The following DLG1 variants were observed in gnomAD, a reference collection of about 807,000 sequenced individuals.
DLG1 encodes the protein disks large homolog 1.
In DLG1, 42 loss-of-function variants were observed where a neutral mutation model predicts 123.4. The observed-to-expected ratio is 0.34, with a 90% CI of 0.27 to 0.44. DLG1 has a LOEUF of 0.44. Among genes scored for constraint, DLG1 ranks in the 20% least tolerant of loss-of-function variants. The pLI is 1.00. For missense variants in DLG1, 942 were observed against 1,082.6 expected, an observed-to-expected ratio of 0.87 and a Z score of 1.82; for synonymous variants, 317 against 356.2, an observed-to-expected ratio of 0.89 and a Z score of 1.24.
intron 23 of DLG1, among the ~76,000 whole-genome samples, chr3:197,059,662 T>C (rs1322758846): frequency 2.0e-5 from 3 of 152,260 alleles, no homozygotes; most frequent in African/African-American, 7.2e-5. Context: ...CTATTTAAAG[T>C]TCTAACACAT....
At chr3:197,059,456 T>C (rs1001133962) in intron 23 of DLG1, among the ~76,000 whole-genome samples, 4 of 152,240 alleles carry the variant, frequency 2.6e-5, no homozygotes, top group African/African-American at 9.6e-5. Flanking sequence ...TTATTTGCTT[T>C]AGTTTATACC....
At chr3:197,094,846 T>A (rs773553680) in intron 14 of DLG1, among the ~76,000 whole-genome samples, 2 of 152,220 alleles carry the variant, frequency 1.3e-5, no homozygotes, top group Non-Finnish European at 2.9e-5. Flanking sequence ...TTGTCTTCTA[T>A]AAACTGAGAA....
intron 4 of DLG1, among the ~76,000 whole-genome samples, chr3:197,202,983 A>C (rs1053557541): frequency 1.3e-5 from 2 of 152,152 alleles, no homozygotes; most frequent in African/African-American, 2.4e-5. Context: ...CAGAAATGTT[A>C]ATTTTAGGCC....
At chr3:197,275,185 C>A (rs367689935) in intron 4 of DLG1, among the ~76,000 whole-genome samples, 745 of 123,504 alleles carry the variant, frequency 6.0e-3, no homozygotes, top group Middle Eastern at 8.9e-3. Context: ...GACTCTGTCT[C>A]AAAAAAAAAA....
At chr3:197,153,453 T>C (rs546038485) in intron 5 of DLG1, among the ~76,000 whole-genome samples, 1 of 152,328 alleles carries the variant, frequency 6.6e-6, no homozygotes, top group South Asian at 2.1e-4. Context: ...GTCAACTGTG[T>C]ACCGCCTGCA....
chr3:197,260,750 CAAAAAAAAAAAAAAAAAA>C (rs570596943), intron 4 of DLG1, among the ~76,000 whole-genome samples: 15 of 18,316 alleles, frequency 8.2e-4, no homozygotes, highest in East Asian at 3.1e-3. Context: ...TGACAACCAC[CAAAAAAAAAAAAAAAAAA>C]AAAAAAAAAA....
intron 6 of DLG1, 124 bp from the exon 7 acceptor site, chr3:197,142,892 C>A: frequency 1.5e-6 from 1 of 673,500 alleles, no homozygotes; most frequent in Non-Finnish European, 2.6e-6. Context: ...AACACAATAG[C>A]TTCATTTTAA....
chr3:197,153,856 A>G (rs1795098787), intron 5 of DLG1, among the ~76,000 whole-genome samples: 2 of 152,204 alleles, frequency 1.3e-5, no homozygotes, highest in African/African-American at 4.8e-5. Flanking sequence ...TACAACAATC[A>G]GAAAAACAAT....
intron 4 of DLG1, among the ~76,000 whole-genome samples, chr3:197,222,265 C>T (rs1737511973): frequency 6.6e-6 from 1 of 152,156 alleles, no homozygotes; most frequent in African/African-American, 2.4e-5. Context: ...ATAAACCACA[C>T]TCCTTTCCCC....
intron 11 of DLG1, among the ~76,000 whole-genome samples, chr3:197,124,772 C>T (rs1348142341): frequency 6.6e-6 from 1 of 152,006 alleles, no homozygotes; most frequent in African/African-American, 2.4e-5. Flanking sequence ...GAAGTCTTAA[C>T]ATGGTAGGAA....
At chr3:197,274,522 C>CGATAT (rs1267674086) in intron 4 of DLG1, among the ~76,000 whole-genome samples, 2 of 152,070 alleles carry the variant, frequency 1.3e-5, no homozygotes, top group Non-Finnish European at 1.5e-5. Context: ...CGACACGATA[C>CGATAT]GATACGAAAA....
chr3:197,297,622 G>C (rs926537658), intron 1 of DLG1: 1 of 1,003,434 alleles, frequency 1.0e-6, no homozygotes. Context: ...GCTGAGAGGG[G>C]ACCAGCGGGA....
intron 4 of DLG1, among the ~76,000 whole-genome samples, chr3:197,254,872 A>ACC (rs1333617956): frequency 6.6e-6 from 1 of 152,020 alleles, no homozygotes; most frequent in Non-Finnish European, 1.5e-5. Flanking sequence ...ATGTGGTGAA[A>ACC]CCCCACGTTT....
At chr3:197,087,130 C>T (rs1324548196) in intron 15 of DLG1, among the ~76,000 whole-genome samples, 1 of 152,154 alleles carries the variant, frequency 6.6e-6, no homozygotes, top group Non-Finnish European at 1.5e-5. Context: ...GCGTATATTC[C>T]CTCTGATCCT....
At chr3:197,287,941 T>C (rs1222016410) in intron 3 of DLG1, among the ~76,000 whole-genome samples, 2 of 152,150 alleles carry the variant, frequency 1.3e-5, no homozygotes, top group Admixed American at 6.5e-5. Context: ...GACCAAACAA[T>C]TCATTTCTAG....
intron 4 of DLG1, among the ~76,000 whole-genome samples, chr3:197,261,193 T>C (rs780190197): frequency 5.3e-5 from 8 of 152,356 alleles, no homozygotes; most frequent in African/African-American, 9.6e-5. Context: ...TGGAGCTAGA[T>C]AGGCTAACAG....
intron 15 of DLG1, among the ~76,000 whole-genome samples, chr3:197,087,988 T>C (rs1215066080): frequency 6.6e-6 from 1 of 152,088 alleles, no homozygotes; most frequent in Non-Finnish European, 1.5e-5. Context: ...TGGACTGAAA[T>C]GGATGAAAAT....
chr3:197,191,731 T>G (rs2150233332), intron 5 of DLG1, among the ~76,000 whole-genome samples: 1 of 152,322 alleles, frequency 6.6e-6, no homozygotes, highest in African/African-American at 2.4e-5. Flanking sequence ...TCTTATGTTG[T>G]CTGGAGTAAG....
chr3:197,172,287 C>A (rs369646748), intron 5 of DLG1, among the ~76,000 whole-genome samples: 1 of 151,874 alleles, frequency 6.6e-6, no homozygotes, highest in Non-Finnish European at 1.5e-5. Flanking sequence ...TAATTATGTA[C>A]GGTATATAAT....
Sources: allele counts gnomAD v4.1 joint callset (sites outside exome capture counted in the v4.1 genomes callset), GRCh38; gene constraint gnomAD v4.1.1; transcripts MANE v1.5; gene names NCBI Gene and HGNC (gene_info 2026-07-23, HGNC 2026-07-21).